Variants in NF1 observed in about 807,000 individuals in gnomAD.
The protein encoded by NF1 is neurofibromin 1.
In NF1, 122 loss-of-function variants were observed where a neutral mutation model predicts 325.7. The ratio of observed to expected loss-of-function variants is 0.37; its 90% CI spans 0.32 to 0.44. The LOEUF is 0.44. NF1 is among the 20% of genes least tolerant of loss of function. NF1 has a pLI of 1.00. For synonymous variants in NF1, 1,091 were observed against 1,186.0 expected, an observed-to-expected ratio of 0.92 and a Z score of 1.65; for missense variants, 2,140 against 3,415.4, an observed-to-expected ratio of 0.63 and a Z score of 9.31.
Position 31,225,220 on chromosome 17 carries a change from T to C in NF1, c.1971T>C (p.Ser657=), listed in dbSNP as rs762823835. 3.7e-6 allele frequency: 6 copies of C among 1,613,818 alleles called. No homozygotes were observed. The South Asian group carries it at 6.6e-5, about 18-fold the overall frequency. Residue 657 remains serine (S), a synonymous_variant, in exon 17 of 58, where the codon TCT becomes TCC. Coordinates refer to ENST00000358273, the MANE Select transcript of NF1 (RefSeq NM_001042492.3). Reference sequence around the variant, plus strand: ...AATTACTACGTACTCCTGGAGCCTCTCTCCGGAAGGGAAAAGGGAACTCCT... The same window carrying C: ...AATTACTACGTACTCCTGGAGCCTCCCTCCGGAAGGGAAAAGGGAACTCCT... ...HEELLRTPGA[S]LRKGKGNSSM...
intron 1 of NF1, among the ~76,000 whole-genome samples, chr17:31,116,938 A>G (rs17878817): frequency 0.017 from 2,619 of 151,168 alleles, 96 homozygotes; most frequent in African/African-American, 0.061. Flanking sequence ...CGGCCTCCCA[A>G]AGTGCTAGGG....
At chr17:31,283,245 G>A (rs536413496) in intron 36 of NF1, among the ~76,000 whole-genome samples, 13 of 152,008 alleles carry the variant, frequency 8.6e-5, no homozygotes, top group South Asian at 2.1e-4. Flanking sequence ...GTGAAATCCC[G>A]TCTCTACTAA....
At chr17:31,136,992 T>C (rs985915737) in intron 1 of NF1, 2 of 152,210 alleles carry the variant, frequency 1.3e-5, no homozygotes, top group African/African-American at 4.8e-5. Context: ...TGGACAGTTA[T>C]GTTTCCCTCA....
Position 31,191,980 on chromosome 17 carries a change from C to T in NF1, c.889-8442C>T, listed in dbSNP as rs577850985. On this transcript the variant is annotated intron_variant, in intron 8 of 57. Coordinates refer to ENST00000358273, the MANE Select transcript of NF1 (RefSeq NM_001042492.3). ...TTGCTTCCAGTTCCTTATGAATTCG[C>T]GGAACTTTTTGTATATTCAGAGCAG... is the stretch of plus-strand genomic sequence containing the variant. 6.2e-4 allele frequency among the ~76,000 whole-genome samples: 94 copies of T among 152,196 alleles called. 1 individual carries two copies. Among genetic ancestry groups the T allele is most frequent in the African/African-American group, 1.9e-3 (77 of 41,528 alleles).
chr17:31,121,046 G>A (rs1039832546), intron 1 of NF1, among the ~76,000 whole-genome samples: 6 of 152,116 alleles, frequency 3.9e-5, no homozygotes, highest in Non-Finnish European at 7.3e-5. Context: ...CAACAACCAT[G>A]TATTAGTTTC....
At chr17:31,312,785 A>G (rs2068912397) in intron 36 of NF1, among the ~76,000 whole-genome samples, 2 of 152,184 alleles carry the variant, frequency 1.3e-5, no homozygotes, top group African/African-American at 4.8e-5. Context: ...AATATTTATT[A>G]AGTGTTGAAA....
chr17:31,284,143 C>G (rs1168345671), intron 36 of NF1, among the ~76,000 whole-genome samples: 1 of 152,156 alleles, frequency 6.6e-6, no homozygotes, highest in Non-Finnish European at 1.5e-5. Context: ...CTCTTATTGC[C>G]TAGGCTGGAA....
At chr17:31,095,624 C>T (rs1456295518) in intron 1 of NF1, among the ~76,000 whole-genome samples, 2 of 152,176 alleles carry the variant, frequency 1.3e-5, no homozygotes, top group African/African-American at 4.8e-5. Context: ...TGACCAGCCT[C>T]CGACCCTCCA....
At chr17:31,293,658 A>G (rs980831948) in intron 36 of NF1, among the ~76,000 whole-genome samples, 2 of 152,212 alleles carry the variant, frequency 1.3e-5, no homozygotes, top group African/African-American at 4.8e-5. Context: ...TGAATTTTTA[A>G]AAGTTTTTAC....
At chr17:31,193,264 T>C (rs184934918) in intron 8 of NF1, among the ~76,000 whole-genome samples, 17 of 152,348 alleles carry the variant, frequency 1.1e-4, no homozygotes, top group African/African-American at 4.1e-4. Context: ...GTGATGCACA[T>C]TGAAGTTTGA....
At chr17:31,227,175 G>A (rs2151426724) in intron 18 of NF1, 43 bp from the exon 19 acceptor site, 2 of 1,595,274 alleles carry the variant, frequency 1.3e-6, no homozygotes, top group Non-Finnish European at 1.7e-6. Context: ...TGGCAGGCAG[G>A]GCTCTAAGTG....
At chr17:31,251,440 G>A (rs2067492485) in intron 30 of NF1, 2 of 196,932 alleles carry the variant, frequency 1.0e-5, no homozygotes, top group East Asian at 1.6e-4. Flanking sequence ...TTAGTTGACT[G>A]GATTAAGGTT....
At chr17:31,239,136 G>T (rs2067251718) in intron 29 of NF1, among the ~76,000 whole-genome samples, 1 of 152,232 alleles carries the variant, frequency 6.6e-6, no homozygotes, top group African/African-American at 2.4e-5. Flanking sequence ...CTTTGAAATT[G>T]TCAAACTGAG....
rs2070725501 is a variant in NF1 at position 31,375,929 on chromosome 17, A to G, written c.*1774A>G. 1 of 232,958 alleles carries G rather than the reference A, an allele frequency of 4.3e-6. No homozygotes were observed. The highest frequency in any genetic ancestry group is 2.2e-5 in the African/African-American group (1 of 45,344). 14.4% of individuals were successfully genotyped at this position (232,958 alleles called of 1,614,324 possible). A position where few individuals can be genotyped will look rare whatever the true frequency, so the allele number is the denominator to read the frequency against. On this transcript the variant is annotated 3_prime_UTR_variant, in exon 58 of 58. Coordinates refer to ENST00000358273, the MANE Select transcript of NF1 (RefSeq NM_001042492.3). ...AAAGAAAACCTTAGTATTATTAATG[A>G]GTTTACCATAGAATTGTTGGAAATA...
intron 36 of NF1, 47 bp downstream of exon 36, chr17:31,265,386 A>G: frequency 2.2e-6 from 3 of 1,358,920 alleles, no homozygotes; most frequent in Non-Finnish European, 3.2e-6. Flanking sequence ...TTTTTAAATT[A>G]TAGCAAATAT....
rs2151587620 is a variant in NF1, at chr17:31,360,492, A to G, written c.8166A>G (p.Thr2722=). The G allele has an allele frequency of 6.2e-7, 1 of 1,613,996 alleles. No individual in the cohort carries two copies. Among genetic ancestry groups the G allele is most frequent in the South Asian group, 1.1e-5 (1 of 91,086 alleles). ...WRFAGPFSKQ[T]QIPDYAELIV... ...TTTCCTATTTTCCATTACAGCAAAC[A>G]CAAATTCCAGACTATGCTGAGCTTA... The change falls in exon 57 of 58, where the codon ACA becomes ACG. Residue 2722 remains threonine, a synonymous_variant. Transcript: ENST00000358273.
chr17:31,195,709 T>A (rs1372363442), intron 8 of NF1, among the ~76,000 whole-genome samples: 1 of 151,982 alleles, frequency 6.6e-6, no homozygotes, highest in African/African-American at 2.4e-5. Flanking sequence ...TTTCATTCTT[T>A]TTTTTTTATG....
chr17:31,197,076 G>A (rs1447438537), intron 8 of NF1, among the ~76,000 whole-genome samples: 11 of 150,646 alleles, frequency 7.3e-5, no homozygotes, highest in Admixed American at 5.9e-4. Flanking sequence ...ATGGAGTCTC[G>A]CTCTGTTGCC....
At chr17:31,362,962 A>G (rs7406783) in intron 57 of NF1, among the ~76,000 whole-genome samples, 76,168 of 152,036 alleles carry the variant, frequency 0.5, 20,856 homozygotes, top group Non-Finnish European at 0.62. Flanking sequence ...CTTTTACTTA[A>G]AATTGTTTAT....
Sources: allele counts gnomAD v4.1 joint callset (sites outside exome capture counted in the v4.1 genomes callset), GRCh38; gene constraint gnomAD v4.1.1; transcripts MANE v1.5; gene names NCBI Gene and HGNC (gene_info 2026-07-23, HGNC 2026-07-21).